The following NHS variants were observed in gnomAD, a reference collection of about 807,000 sequenced individuals.
NHS encodes the protein NHS actin remodeling regulator, also known as actin remodeling regulator NHS.
Under a neutral mutation model 72.5 loss-of-function variants are expected in NHS, and 5 were observed. That is an observed-to-expected ratio of 0.07 (90% CI 0.04 to 0.14). NHS has a LOEUF of 0.14. Among genes scored for constraint, NHS ranks in the 10% least tolerant of loss-of-function variants. The pLI is 1.00. For synonymous variants in NHS, 464 were observed against 547.7 expected, an observed-to-expected ratio of 0.85 and a Z score of 2.13; for missense variants, 1,072 against 1,355.7, an observed-to-expected ratio of 0.79 and a Z score of 3.29.
rs1301167955 is a variant in NHS at position 17,395,330 on chromosome X, C to T, written c.565+19008C>T. Among the ~76,000 whole-genome samples, 7 of 112,375 alleles carry T rather than the reference C, an allele frequency of 6.2e-5. No homozygotes were observed. In the East Asian group the frequency reaches 1.4e-3, roughly 22 times the overall value. ...CATACAACTGGGTTATAAGTTAACA[C>T]GTGTATTTGGGTGAGGCTGTGGCTG... On this transcript the variant is annotated intron_variant, in intron 1 of 8. Coordinates refer to ENST00000676302, the MANE Select transcript of NHS (RefSeq NM_001291867.2).
chrX:17,729,277 C>T (rs1270101147), intron 8 of NHS, among the ~76,000 whole-genome samples: 1 of 111,639 alleles, frequency 9.0e-6, no homozygotes, highest in Admixed American at 9.5e-5. Context: ...CCTCTTCCCC[C>T]AAAACTTATT....
At chrX:17,523,513 G>T (rs957058684) in intron 1 of NHS, among the ~76,000 whole-genome samples, 1 of 111,970 alleles carries the variant, frequency 8.9e-6, no homozygotes, top group Non-Finnish European at 1.9e-5. Flanking sequence ...GGAAACCGAG[G>T]CATAGAGCCG....
chrX:17,588,985 T>C (rs1206555805), intron 1 of NHS, among the ~76,000 whole-genome samples: 1 of 111,588 alleles, frequency 9.0e-6, no homozygotes, highest in East Asian at 2.8e-4. Context: ...CATCTTTAAG[T>C]CTCAGTTTCC....
At chrX:17,593,093 T>G (rs1030803402) in intron 1 of NHS, among the ~76,000 whole-genome samples, 1 of 112,007 alleles carries the variant, frequency 8.9e-6, no homozygotes, top group Admixed American at 9.5e-5. Flanking sequence ...GCATACTTAT[T>G]GAAACATCAT....
At chrX:17,484,536 CTG>C (rs1222534668) in intron 1 of NHS, among the ~76,000 whole-genome samples, 1 of 111,092 alleles carries the variant, frequency 9.0e-6, no homozygotes, top group African/African-American at 3.3e-5. Flanking sequence ...GAGGGTACAA[CTG>C]TGGACAAGAG....
At chrX:17,425,453 C>CA (rs1406001410) in intron 1 of NHS, among the ~76,000 whole-genome samples, 1 of 92,977 alleles carries the variant, frequency 1.1e-5, no homozygotes, top group African/African-American at 4.1e-5. Flanking sequence ...CAATGTTTGG[C>CA]AAAAAGAAAG....
chrX:17,404,652 C>T (rs148434964), intron 1 of NHS, among the ~76,000 whole-genome samples: 1,232 of 110,964 alleles, frequency 0.011, 15 homozygotes, highest in African/African-American at 0.038. Flanking sequence ...ATTGCCATGG[C>T]CCCAGTTCTA....
intron 3 of NHS, among the ~76,000 whole-genome samples, chrX:17,702,727 AAGTCATACACTT>A (rs1240234533): frequency 8.9e-6 from 1 of 111,989 alleles, no homozygotes; most frequent in East Asian, 2.8e-4. Context: ...CAAAAGGGGA[AAGTCATACACTT>A]AGGAATTTTA....
intron 1 of NHS, among the ~76,000 whole-genome samples, chrX:17,408,258 G>A (rs913095808): frequency 2.7e-5 from 3 of 110,994 alleles, no homozygotes; most frequent in Non-Finnish European, 3.8e-5. Flanking sequence ...CTCCCACCTC[G>A]GCCTCCCAAA....
intron 1 of NHS, among the ~76,000 whole-genome samples, chrX:17,672,392 G>C (rs919617000): frequency 8.9e-6 from 1 of 112,395 alleles, no homozygotes; most frequent in African/African-American, 3.2e-5. Flanking sequence ...GCTGGAAGTG[G>C]TGTGTGTCAC....
intron 1 of NHS, among the ~76,000 whole-genome samples, chrX:17,611,451 T>TC (rs1198372186): frequency 9.0e-6 from 1 of 111,456 alleles, no homozygotes. Context: ...CTTTTAGCCC[T>TC]CCCCCTACGG....
At chrX:17,510,290 T>G (rs1252025429) in intron 1 of NHS, among the ~76,000 whole-genome samples, 1 of 112,321 alleles carries the variant, frequency 8.9e-6, no homozygotes, top group Admixed American at 9.4e-5. Flanking sequence ...TCTAGAACTT[T>G]CCAAATTGCC....
At chrX:17,717,690 A>T (rs904363564) in intron 3 of NHS, among the ~76,000 whole-genome samples, 6 of 112,121 alleles carry the variant, frequency 5.4e-5, no homozygotes, top group Non-Finnish European at 9.4e-5. Context: ...CAGTGACAGC[A>T]CAACCTGAAA....
intron 1 of NHS, among the ~76,000 whole-genome samples, chrX:17,411,112 A>G (rs2064555788): frequency 8.9e-6 from 1 of 112,185 alleles, no homozygotes; most frequent in African/African-American, 3.2e-5. Flanking sequence ...CAATGTTTTC[A>G]ACGTGGTTTC....
At chrX:17,558,838 A>C (rs1015474605) in intron 1 of NHS, among the ~76,000 whole-genome samples, 1 of 112,412 alleles carries the variant, frequency 8.9e-6, no homozygotes, top group African/African-American at 3.2e-5. Flanking sequence ...TTGGGATGCC[A>C]TGAAAAGAAT....
At chrX:17,408,946 CGGAGAGA>C (rs1457371665) in intron 1 of NHS, among the ~76,000 whole-genome samples, 1 of 103,168 alleles carries the variant, frequency 9.7e-6, no homozygotes, top group African/African-American at 4.1e-5. Flanking sequence ...GAGAAACCGA[CGGAGAGA>C]GGAGAGAGAG....
At chrX:17,416,842 GAC>G (rs1441307301) in intron 1 of NHS, among the ~76,000 whole-genome samples, 4 of 109,195 alleles carry the variant, frequency 3.7e-5, no homozygotes, top group South Asian at 4.1e-4. Context: ...GAGAGAGAGA[GAC>G]AAACTAGGGA....
intron 1 of NHS, among the ~76,000 whole-genome samples, chrX:17,447,406 T>TTC (rs1555990305): frequency 9.1e-6 from 1 of 110,473 alleles, no homozygotes; most frequent in Non-Finnish European, 1.9e-5. Flanking sequence ...ATTTTTTTTT[T>TTC]CCCCCCTCTT....
intron 1 of NHS, among the ~76,000 whole-genome samples, chrX:17,624,316 C>T (rs2065787580): frequency 8.9e-6 from 1 of 111,732 alleles, no homozygotes; most frequent in Non-Finnish European, 1.9e-5. Flanking sequence ...CTTTTTTTAC[C>T]CTTTGAGTGA....
Sources: allele counts gnomAD v4.1 joint callset (sites outside exome capture counted in the v4.1 genomes callset), GRCh38; gene constraint gnomAD v4.1.1; transcripts MANE v1.5; gene names NCBI Gene and HGNC (gene_info 2026-07-23, HGNC 2026-07-21).